The following CCDC171 variants were observed in gnomAD, a reference collection of about 807,000 sequenced individuals.
CCDC171 encodes the protein coiled-coil domain-containing protein 171.
Under a neutral mutation model 168.2 loss-of-function variants are expected in CCDC171, and 177 were observed. The ratio of observed to expected loss-of-function variants is 1.05; its 90% CI spans 0.93 to 1.19. The LOEUF (loss-of-function observed/expected upper bound fraction) is 1.19. Among genes scored for constraint, CCDC171 ranks in the 50% most tolerant of loss-of-function variants. The pLI is 0.00. For synonymous variants in CCDC171, 687 were observed against 540.8 expected (o/e 1.27, Z -3.75); for missense variants, 1,991 against 1,539.0 (o/e 1.29, Z -4.91).
intron 21 of CCDC171, among the ~76,000 whole-genome samples, chr9:15,798,557 G>C (rs943060642): frequency 1.3e-5 from 2 of 152,058 alleles, no homozygotes; most frequent in African/African-American, 4.8e-5. Flanking sequence ...GGTTAGTTTA[G>C]CCCTTCTTTT....
intron 25 of CCDC171, among the ~76,000 whole-genome samples, chr9:15,947,389 A>G (rs910472114): frequency 6.6e-6 from 1 of 151,938 alleles, no homozygotes; most frequent in Non-Finnish European, 1.5e-5. Flanking sequence ...GGCAATCACC[A>G]TTCTATTTTT....
intron 24 of CCDC171, among the ~76,000 whole-genome samples, chr9:15,902,262 GTATA>G (rs1168245282): frequency 1.2e-4 from 17 of 143,000 alleles, no homozygotes; most frequent in African/African-American, 4.2e-4. Flanking sequence ...ATATATATAT[GTATA>G]TATATATATA....
chr9:15,557,408 T>C (rs1023410713), intron 1 of CCDC171, among the ~76,000 whole-genome samples: 9 of 152,144 alleles, frequency 5.9e-5, no homozygotes, highest in African/African-American at 2.2e-4. Flanking sequence ...GTGTCCTCTT[T>C]TATTTTGTTG....
chr9:15,848,901 A>T lies in CCDC171; in HGVS notation c.3422A>T (p.Glu1141Val), dbSNP rs1160030609. ...TCTTTTATTTTTTCTAGAGACAAAG[A>T]ATGTGTTGCTAATCACATGAGAGCA... ...SALRMAAKDK[E>V]CVANHMRAVE... Residue 1141 changes from glutamate to valine, a missense_variant, in exon 23 of 26, where the codon GAA (glutamate) becomes GTA (valine). Physicochemically the swap from Glu to Val is moderately radical, Grantham distance 121. Coordinates refer to ENST00000380701, the MANE Select transcript of CCDC171 (RefSeq NM_173550.4). 6.4e-7 allele frequency: 1 copy of T among 1,562,224 alleles called. No homozygotes were observed. The highest frequency in any genetic ancestry group is 8.7e-7 in the Non-Finnish European group (1 of 1,148,592).
intron 6 of CCDC171, among the ~76,000 whole-genome samples, chr9:15,620,523 A>G (rs986991249): frequency 1.3e-5 from 2 of 152,242 alleles, no homozygotes; most frequent in African/African-American, 4.8e-5. Flanking sequence ...ATGCATTCAT[A>G]AAACTTGAAT....
intron 3 of CCDC171, among the ~76,000 whole-genome samples, chr9:15,572,621 G>A (rs1308127297): frequency 6.6e-6 from 1 of 152,102 alleles, no homozygotes; most frequent in Non-Finnish European, 1.5e-5. Flanking sequence ...TTTTTGCTAA[G>A]TTCTGCAGTT....
intron 7 of CCDC171, among the ~76,000 whole-genome samples, chr9:15,649,929 G>T (rs1429771037): frequency 6.6e-6 from 1 of 152,156 alleles, no homozygotes; most frequent in African/African-American, 2.4e-5. Context: ...AAATCATGCT[G>T]CTATAAAGAC....
intron 3 of CCDC171, among the ~76,000 whole-genome samples, chr9:16,015,199 G>A (rs922606505): frequency 2.0e-5 from 3 of 152,138 alleles, no homozygotes; most frequent in Non-Finnish European, 2.9e-5. Flanking sequence ...CAGCTTCTAC[G>A]TCGGCATTTG....
chr9:15,833,845 A>G (rs1399455968), intron 21 of CCDC171, among the ~76,000 whole-genome samples: 1 of 152,186 alleles, frequency 6.6e-6, no homozygotes, highest in African/African-American at 2.4e-5. Context: ...CAGATGAGGA[A>G]ACAAAGGTAT....
At chr9:15,842,636 A>G (rs1396563513) in intron 21 of CCDC171, among the ~76,000 whole-genome samples, 1 of 151,976 alleles carries the variant, frequency 6.6e-6, no homozygotes, top group East Asian at 1.9e-4. Flanking sequence ...TGATAGTTGT[A>G]CAACTCTGTG....
At chr9:16,038,445 G>A (rs940292006), upstream of CCDC171, among the ~76,000 whole-genome samples, 44 of 152,088 alleles carry the variant, frequency 2.9e-4, no homozygotes, top group African/African-American at 9.9e-4. Flanking sequence ...GATGTTTGGA[G>A]CTCTGAAGAT....
chr9:15,566,163 T>C (rs542792756), intron 2 of CCDC171, among the ~76,000 whole-genome samples: 10 of 152,254 alleles, frequency 6.6e-5, no homozygotes, highest in African/African-American at 2.4e-4. Context: ...ATTGGTGAAA[T>C]GTCTCTTCAG....
At position 16,015,684 on chromosome 9, in the gene CCDC171, T is replaced by C. The variant is rs909904604; in HGVS notation, n.369-4905T>C. On this transcript the variant is annotated intron_variant and non_coding_transcript_variant, in intron 3 of 9. Transcript: ENST00000486641. ...ATTTTAAGTGTAAAGTTCATTGGCA[T>C]TGAGAGCATTCGTATTGTTATGTAA... Among the ~76,000 whole-genome samples, 9 of 152,304 alleles carry C rather than the reference T, an allele frequency of 5.9e-5. No individual in the cohort carries two copies. In the East Asian group the frequency reaches 1.7e-3, roughly 29 times the overall value.
chr9:16,053,423 G>T (rs1376131724), intron 1 of CCDC171, among the ~76,000 whole-genome samples: 1 of 152,220 alleles, frequency 6.6e-6, no homozygotes, highest in Non-Finnish European at 1.5e-5. Flanking sequence ...GGCAAGTAAG[G>T]GCTCACATGT....
chr9:15,906,624 GC>G (rs1362349588), intron 24 of CCDC171, among the ~76,000 whole-genome samples: 1 of 152,298 alleles, frequency 6.6e-6, no homozygotes, highest in African/African-American at 2.4e-5. Flanking sequence ...AGACAGGGAT[GC>G]CCTCTCTCAC....
chr9:15,882,717 G>T lies in CCDC171; in HGVS notation c.3600+8054G>T, dbSNP rs1021626371. The stretch of plus-strand genomic sequence containing the variant: ...CCTAAGATTTTAGTGTTTCATGACT[G>T]GGAAAACTGCTTGATAATTAGCTTT... On this transcript the variant is annotated intron_variant, in intron 24 of 25. Coordinates refer to ENST00000380701, the MANE Select transcript of CCDC171 (RefSeq NM_173550.4). 7.2e-5 allele frequency among the ~76,000 whole-genome samples: 11 copies of T among 151,960 alleles called. No individual in the cohort carries two copies. In the East Asian group the frequency reaches 2.1e-3, roughly 30 times the overall value.
At chr9:15,575,027 A>G (rs1587070998) in intron 3 of CCDC171, among the ~76,000 whole-genome samples, 2 of 152,290 alleles carry the variant, frequency 1.3e-5, no homozygotes, top group East Asian at 3.9e-4. Flanking sequence ...GCGTAACAAT[A>G]CTGTTGTGGA....
chr9:15,639,738 A>G (rs575894265), intron 7 of CCDC171, among the ~76,000 whole-genome samples: 1 of 152,280 alleles, frequency 6.6e-6, no homozygotes, highest in South Asian at 2.1e-4. Flanking sequence ...GATCAAGATG[A>G]CTGGCACAGA....
rs147061309 is a variant in CCDC171, at chr9:15,626,078, C to T, written c.822+2665C>T. Among the ~76,000 whole-genome samples, 1,033 of 152,232 alleles carry T rather than the reference C, an allele frequency of 6.8e-3. 9 individuals carry two copies. The highest frequency in any genetic ancestry group is 0.01 in the Middle Eastern group (3 of 294). ...CCTAGGTATTTTATTCTCTTTGTAG[C>T]AATCATGATTGGGAGTTCCACTCAT... On this transcript the variant is annotated intron_variant, in intron 7 of 25. Transcript: ENST00000380701.
Sources: gnomAD v4.1 joint callset for allele counts (sites outside exome capture counted in the v4.1 genomes callset) on GRCh38, gnomAD v4.1.1 for gene constraint, MANE v1.5 for transcripts, NCBI Gene and HGNC (gene_info 2026-07-23, HGNC 2026-07-21) for gene names.